YWHAQ: variants seen among roughly 807,000 people sequenced by gnomAD.
YWHAQ encodes the protein 14-3-3 protein theta.
YWHAQ carries 6 observed loss-of-function variants against 28.3 expected under a neutral mutation model. The ratio of observed to expected loss-of-function variants is 0.21; its 90% CI spans 0.12 to 0.42. The LOEUF is 0.42. YWHAQ is among the 10% of genes least tolerant of loss of function. The pLI, the probability that YWHAQ is intolerant of heterozygous loss-of-function variation, is 1.00. For missense variants in YWHAQ, 201 were observed against 305.6 expected (o/e 0.66, Z 2.55); for synonymous variants, 143 against 119.1 (o/e 1.20, Z -1.31).
Position 9,609,934 on chromosome 2 carries a change from C to T in YWHAQ, c.295-18419G>A, listed in dbSNP as rs75770255. On this transcript the variant is annotated intron_variant, in intron 2 of 5. Transcript: ENST00000238081. ...AAGAAGTCATCAATTAGAGTATTAA[C>T]AGTCCAAAATAAGAGTACTGTAAAG... Among the ~76,000 whole-genome samples, 326 of 152,258 alleles carry T rather than the reference C, an allele frequency of 2.1e-3. 1 individual carries two copies. Among genetic ancestry groups the T allele is most frequent in the African/African-American group, 7.6e-3 (314 of 41,548 alleles).
intron 2 of YWHAQ, among the ~76,000 whole-genome samples, chr2:9,613,308 CA>C (rs1345086960): frequency 1.3e-5 from 2 of 151,916 alleles, no homozygotes; most frequent in East Asian, 1.9e-4. Context: ...CTAAAAGGAA[CA>C]AAAAAGGCAT....
chr2:9,599,613 C>T (rs772483937), intron 2 of YWHAQ, among the ~76,000 whole-genome samples: 2 of 152,240 alleles, frequency 1.3e-5, no homozygotes, highest in Admixed American at 6.5e-5. Context: ...GCCTGGATGA[C>T]GGCATCTGTT....
intron 2 of YWHAQ, among the ~76,000 whole-genome samples, chr2:9,619,455 A>G (rs976200210): frequency 2.0e-5 from 3 of 152,192 alleles, no homozygotes; most frequent in East Asian, 1.9e-4. Flanking sequence ...TTTAAATGTT[A>G]TATGTGCACT....
At chr2:9,594,827 A>G (rs934004119) in intron 2 of YWHAQ, among the ~76,000 whole-genome samples, 1 of 152,198 alleles carries the variant, frequency 6.6e-6, no homozygotes, top group Non-Finnish European at 1.5e-5. Flanking sequence ...GGGAAGAGAG[A>G]AATTTCCATT....
intron 5 of YWHAQ, among the ~76,000 whole-genome samples, chr2:9,585,577 T>A (rs568237272): frequency 1.3e-5 from 2 of 151,962 alleles, no homozygotes; most frequent in African/African-American, 4.8e-5. Flanking sequence ...TACATACATA[T>A]ACCACTGGAG....
intron 2 of YWHAQ, among the ~76,000 whole-genome samples, chr2:9,593,905 A>AAATATATAT (rs1205661739): frequency 2.4e-5 from 3 of 127,632 alleles, no homozygotes; most frequent in African/African-American, 9.2e-5. Flanking sequence ...GATTAAAAAA[A>AAATATATAT]ATATATATAT....
chr2:9,615,767 G>C lies in YWHAQ; in HGVS notation c.294+14392C>G, dbSNP rs547460107. ...AGGAGAGATGATCTCAGAAGAACAG[G>C]GTCCTGTAAAGGAGGGCTCTACAAT... On this transcript the variant is annotated intron_variant, in intron 2 of 5. Coordinates refer to ENST00000238081, the MANE Select transcript of YWHAQ (RefSeq NM_006826.4). Among the ~76,000 whole-genome samples the C allele has an allele frequency of 1.5e-3, 233 of 152,162 alleles. 1 individual carries two copies. Among genetic ancestry groups the C allele is most frequent in the Middle Eastern group, 0.01 (3 of 294 alleles).
At chr2:9,628,096 G>A (rs567710079) in intron 2 of YWHAQ, among the ~76,000 whole-genome samples, 26 of 152,342 alleles carry the variant, frequency 1.7e-4, no homozygotes, top group Admixed American at 1.3e-3. Context: ...ATATTGCTCA[G>A]AGCACAGTGC....
In YWHAQ at chr2:9,603,680, T is replaced by G. The variant is rs184472624; in HGVS notation, c.295-12165A>C. On this transcript the variant is annotated intron_variant, in intron 2 of 5. Coordinates refer to ENST00000238081, the MANE Select transcript of YWHAQ (RefSeq NM_006826.4). ...GCTCACACCTGGTAATCCCAACACTTCGGGAGGCTGAGGCAGATGGATCAT... is the reference window on the plus strand; with the variant it reads ...GCTCACACCTGGTAATCCCAACACTGCGGGAGGCTGAGGCAGATGGATCAT... Among the ~76,000 whole-genome samples the G allele has an allele frequency of 2.6e-4, 39 of 151,880 alleles. No homozygotes were observed. In the East Asian group the frequency reaches 4.7e-3, roughly 18 times the overall value.
chr2:9,621,628 T>C (rs1667144271), intron 2 of YWHAQ, among the ~76,000 whole-genome samples: 1 of 151,992 alleles, frequency 6.6e-6, no homozygotes, highest in Admixed American at 6.5e-5. Context: ...ACATACAAAA[T>C]GCACAAATCT....
chr2:9,629,753 TTGTC>T (rs1241209268), intron 2 of YWHAQ, among the ~76,000 whole-genome samples: 2 of 152,200 alleles, frequency 1.3e-5, no homozygotes, highest in Admixed American at 6.5e-5. Flanking sequence ...CCCTACTACA[TTGTC>T]TGTAACAAAA....
chr2:9,593,675 T>A (rs1023151098), intron 2 of YWHAQ, among the ~76,000 whole-genome samples: 1 of 151,422 alleles, frequency 6.6e-6, no homozygotes, highest in Admixed American at 6.6e-5. Context: ...CAAAGAATTT[T>A]AAAAAAATTA....
Position 9,607,436 on chromosome 2 carries a change from T to C in YWHAQ, c.295-15921A>G, listed in dbSNP as rs1572997219. On this transcript the variant is annotated intron_variant, in intron 2 of 5. Coordinates refer to ENST00000238081, the MANE Select transcript of YWHAQ (RefSeq NM_006826.4). ...GCTGGCTAGGCTAATCTCGAACTCC[T>C]GACCTCGTGATCCACCCCCCTCGGC... 2.0e-5 allele frequency among the ~76,000 whole-genome samples: 3 copies of C among 151,620 alleles called. No individual in the cohort carries two copies. The South Asian group carries it at 6.3e-4, about 32-fold the overall frequency.
chr2:9,601,473 A>C (rs1021876585), intron 2 of YWHAQ, among the ~76,000 whole-genome samples: 15 of 152,204 alleles, frequency 9.9e-5, no homozygotes, highest in African/African-American at 3.4e-4. Context: ...CCTCAAAAAA[A>C]CAAACAAACA....
chr2:9,589,887 C>T (rs1482966641), intron 3 of YWHAQ, among the ~76,000 whole-genome samples: 1 of 152,144 alleles, frequency 6.6e-6, no homozygotes, highest in Admixed American at 6.5e-5. Context: ...CTGTATGAGG[C>T]CACTGGCCTA....
intron 3 of YWHAQ, among the ~76,000 whole-genome samples, chr2:9,589,182 A>G (rs1415476182): frequency 6.6e-6 from 1 of 152,244 alleles, no homozygotes; most frequent in African/African-American, 2.4e-5. Flanking sequence ...AATGGAAAAA[A>G]AACATGAGAT....
chr2:9,625,279 A>C (rs1667228688), intron 2 of YWHAQ, among the ~76,000 whole-genome samples: 1 of 151,002 alleles, frequency 6.6e-6, no homozygotes, highest in Non-Finnish European at 1.5e-5. Flanking sequence ...AAAAAAACCC[A>C]AACCCCCCAA....
intron 2 of YWHAQ, among the ~76,000 whole-genome samples, chr2:9,616,658 TTC>T (rs1159954467): frequency 2.0e-5 from 3 of 152,018 alleles, no homozygotes; most frequent in African/African-American, 7.2e-5. Flanking sequence ...GAACAGACAT[TTC>T]TCCAAAGAGC....
chr2:9,610,787 C>T (rs796067562), intron 2 of YWHAQ, among the ~76,000 whole-genome samples: 10 of 152,262 alleles, frequency 6.6e-5, no homozygotes, highest in African/African-American at 2.4e-4. Flanking sequence ...GGGTTACAGG[C>T]ATGAGCCACC....
Sources: allele counts gnomAD v4.1 joint callset (sites outside exome capture counted in the v4.1 genomes callset), GRCh38; gene constraint gnomAD v4.1.1; transcripts MANE v1.5; gene names NCBI Gene and HGNC (gene_info 2026-07-23, HGNC 2026-07-21).